Variants in LRFN5 observed in about 807,000 individuals in gnomAD.
LRFN5 encodes leucine rich repeat and fibronectin type III domain containing 5.
LRFN5 carries 24 observed loss-of-function variants against 45.6 expected under a neutral mutation model. That is an observed-to-expected ratio of 0.53 (90% CI 0.38 to 0.74). The LOEUF is 0.74. Among genes scored for constraint, LRFN5 ranks in the 30% least tolerant of loss-of-function variants. The pLI is 0.00. For missense variants in LRFN5, 776 were observed against 861.5 expected (o/e 0.90, Z 1.24); for synonymous variants, 340 against 313.8 (o/e 1.08, Z -0.88).
intron 2 of LRFN5, among the ~76,000 whole-genome samples, chr14:41,860,339 A>G (rs892595278): frequency 2.0e-5 from 3 of 152,198 alleles, no homozygotes; most frequent in Non-Finnish European, 2.9e-5. Flanking sequence ...AGGATTTTAG[A>G]AAGTAAAAGT....
At chr14:41,857,695 T>C (rs1889520463) in intron 2 of LRFN5, among the ~76,000 whole-genome samples, 1 of 152,234 alleles carries the variant, frequency 6.6e-6, no homozygotes, top group Non-Finnish European at 1.5e-5. Flanking sequence ...CATCACACAA[T>C]TTGGAGACAC....
Position 41,671,229 on chromosome 14 carries a change from A to G in LRFN5, c.-197+62667A>G, listed in dbSNP as rs140320199. Among the ~76,000 whole-genome samples, 1,414 of 152,258 alleles carry G rather than the reference A, an allele frequency of 9.3e-3. 6 individuals carry two copies. The highest frequency in any genetic ancestry group is 0.02 in the East Asian group (103 of 5,176). The stretch of plus-strand genomic sequence containing the variant: ...TTTAAAAAGAAATTAAGTTCTCAAT[A>G]TCGTAATCATCTAAGATGAGAATAT... On this transcript the variant is annotated intron_variant, in intron 1 of 5. Coordinates refer to ENST00000298119, the MANE Select transcript of LRFN5 (RefSeq NM_152447.5).
At chr14:41,787,454 A>G (rs1421107073) in intron 2 of LRFN5, among the ~76,000 whole-genome samples, 2 of 152,038 alleles carry the variant, frequency 1.3e-5, no homozygotes, top group African/African-American at 2.4e-5. Context: ...TTTTTTAGCA[A>G]TTAAAATACT....
At chr14:41,666,662 G>A (rs149706411) in intron 1 of LRFN5, among the ~76,000 whole-genome samples, 27 of 152,108 alleles carry the variant, frequency 1.8e-4, no homozygotes, top group East Asian at 7.7e-4. Context: ...TTTCAATTTC[G>A]TGGCTAAGGC....
At chr14:41,689,741 A>G (rs887298560) in intron 1 of LRFN5, among the ~76,000 whole-genome samples, 10 of 150,970 alleles carry the variant, frequency 6.6e-5, no homozygotes, top group Non-Finnish European at 1.3e-4. Flanking sequence ...AAAAATACAA[A>G]AAAATTAGCC....
intron 2 of LRFN5, among the ~76,000 whole-genome samples, chr14:41,860,829 G>A (rs967581611): frequency 6.6e-6 from 1 of 152,108 alleles, no homozygotes; most frequent in African/African-American, 2.4e-5. Flanking sequence ...GATGAAGGAG[G>A]AAGAAATACT....
intron 2 of LRFN5, among the ~76,000 whole-genome samples, chr14:41,856,675 A>ATTATTTTTTTTTTT: frequency 0.041 from 760 of 18,330 alleles, 140 homozygotes; most frequent in South Asian, 0.12. Flanking sequence ...TATTATTATT[A>ATTATTTTTTTTTTT]TTTTTTTTTT....
At chr14:41,646,641 T>C (rs1275151514) in intron 1 of LRFN5, among the ~76,000 whole-genome samples, 1 of 152,150 alleles carries the variant, frequency 6.6e-6, no homozygotes, top group Non-Finnish European at 1.5e-5. Context: ...TCATTTTACT[T>C]TTTTTTGTTT....
intron 2 of LRFN5, among the ~76,000 whole-genome samples, chr14:41,844,233 C>T (rs367974851): frequency 8.5e-4 from 129 of 152,056 alleles, no homozygotes; most frequent in Non-Finnish European, 1.1e-3. Flanking sequence ...GTCAGGAGAT[C>T]GAGACCATCC....
At chr14:41,776,263 T>A (rs956433616) in intron 2 of LRFN5, among the ~76,000 whole-genome samples, 1 of 152,152 alleles carries the variant, frequency 6.6e-6, no homozygotes, top group Admixed American at 6.5e-5. Context: ...TCCATAAGTG[T>A]ATTCATGTCA....
chr14:41,714,152 A>G (rs1883393423), intron 1 of LRFN5, among the ~76,000 whole-genome samples: 1 of 152,184 alleles, frequency 6.6e-6, no homozygotes, highest in African/African-American at 2.4e-5. Context: ...AATGGAAAAC[A>G]TAAGATTTTT....
At position 41,808,408 on chromosome 14, in the gene LRFN5, A is replaced by AAAGG. The variant is rs1297851268; in HGVS notation, c.-21+41399_-21+41402dup. On this transcript the variant is annotated intron_variant, in intron 2 of 5. Coordinates refer to ENST00000298119, the MANE Select transcript of LRFN5 (RefSeq NM_152447.5). The stretch of plus-strand genomic sequence containing the variant: ...GAAGGAAGGAAAGGAAGAAAGGAAG[A>AAAGG]AAGGAAGGAAGGAAGGAAGGAAGAA... Among the ~76,000 whole-genome samples, 10 of 20,610 alleles carry AAAGG rather than the reference A, an allele frequency of 4.9e-4. 2 individuals are homozygous for AAAGG. Among genetic ancestry groups the AAAGG allele is most frequent in the Non-Finnish European group, 7.1e-4 (7 of 9,822 alleles). The allele number at this position is 20,610 out of a possible 152,430, so 13.5% of individuals were successfully genotyped here.
intron 1 of LRFN5, among the ~76,000 whole-genome samples, chr14:41,732,597 CA>C (rs2138797024): frequency 6.6e-6 from 1 of 151,658 alleles, no homozygotes; most frequent in African/African-American, 2.4e-5. Context: ...GAAACATAAA[CA>C]AAAAATGAAA....
chr14:41,647,952 A>G (rs1489117890), intron 1 of LRFN5, among the ~76,000 whole-genome samples: 1 of 152,246 alleles, frequency 6.6e-6, no homozygotes, highest in Non-Finnish European at 1.5e-5. Context: ...ATGTTATTAC[A>G]GTAATAGTTA....
At chr14:41,771,354 A>G (rs142858126) in intron 2 of LRFN5, among the ~76,000 whole-genome samples, 105 of 151,932 alleles carry the variant, frequency 6.9e-4, no homozygotes, top group East Asian at 3.6e-3. Context: ...TCTCTAGCAC[A>G]TGGTTGCTCC....
intron 1 of LRFN5, among the ~76,000 whole-genome samples, chr14:41,689,439 A>G (rs1010534517): frequency 6.6e-6 from 1 of 152,126 alleles, no homozygotes; most frequent in African/African-American, 2.4e-5. Flanking sequence ...CTGATCTTAC[A>G]GAAATTTTTT....
At position 41,704,408 on chromosome 14, in the gene LRFN5, TTCTCTCTCTC is replaced by T. The variant is rs141458106; in HGVS notation, c.-196-62414_-196-62405del. On this transcript the variant is annotated intron_variant, in intron 1 of 5. Coordinates refer to ENST00000298119, the MANE Select transcript of LRFN5 (RefSeq NM_152447.5). ...ATTTTCTAGACTTATTGTTATACTT[TTCTCTCTCTC>T]TCTCTCTCTCTCTCTCTCTCTCTCT... 2.1e-4 allele frequency among the ~76,000 whole-genome samples: 21 copies of T among 102,342 alleles called. 1 individual carries two copies. The highest frequency in any genetic ancestry group is 1.6e-3 in the South Asian group (4 of 2,576). The allele number at this position is 102,342 out of a possible 152,430, so 67.1% of individuals were successfully genotyped here.
chr14:41,747,260 G>T (rs1884959342), intron 1 of LRFN5, among the ~76,000 whole-genome samples: 1 of 151,834 alleles, frequency 6.6e-6, no homozygotes, highest in Admixed American at 6.6e-5. Flanking sequence ...AAGCTATGGG[G>T]CTTATACTTC....
At chr14:41,842,552 A>G (rs567189353) in intron 2 of LRFN5, among the ~76,000 whole-genome samples, 54 of 152,198 alleles carry the variant, frequency 3.5e-4, no homozygotes, top group Non-Finnish European at 5.3e-4. Flanking sequence ...AAAATTTATA[A>G]TAGTTGTATA....
Sources: allele counts gnomAD v4.1 joint callset (sites outside exome capture counted in the v4.1 genomes callset), GRCh38; gene constraint gnomAD v4.1.1; transcripts MANE v1.5; gene names NCBI Gene and HGNC (gene_info 2026-07-23, HGNC 2026-07-21).